Variants in TAFA4 observed in about 807,000 individuals in gnomAD.
TAFA4 encodes TAFA chemokine like family member 4, also known as chemokine-like protein TAFA-4.
In TAFA4, 20 loss-of-function variants were observed where a neutral mutation model predicts 21.1. The observed-to-expected ratio is 0.95, with a 90% CI of 0.67 to 1.38. TAFA4 has a LOEUF of 1.38. Ranked by LOEUF, TAFA4 falls within the 40% of genes most tolerant of loss-of-function variation. The pLI is 0.00. For missense variants in TAFA4, 211 were observed against 180.9 expected, an observed-to-expected ratio of 1.17 and a Z score of -0.95; for synonymous variants, 71 against 67.4, an observed-to-expected ratio of 1.05 and a Z score of -0.26.
chr3:68,844,589 T>C (rs1268280549), intron 3 of TAFA4, among the ~76,000 whole-genome samples: 2 of 152,206 alleles, frequency 1.3e-5, no homozygotes, highest in East Asian at 1.9e-4. Flanking sequence ...CTCGCTTCTC[T>C]AGTTCTTTTA....
In TAFA4 at chr3:68,843,672, T is replaced by C. The variant is rs556602467; in HGVS notation, c.130+37058A>G. Among the ~76,000 whole-genome samples, 6 of 152,384 alleles carry C rather than the reference T, an allele frequency of 3.9e-5. No homozygotes were observed. The South Asian group carries it at 6.2e-4, about 16-fold the overall frequency. On this transcript the variant is annotated intron_variant, in intron 3 of 5. Transcript: ENST00000295569. ...GTGGGTCTGTCATAAATAGCTCTTA[T>C]TATTTTGAGATACGGTCCACCAATA...
chr3:68,890,828 A>G (rs76699518), intron 1 of TAFA4, among the ~76,000 whole-genome samples: 202 of 152,346 alleles, frequency 1.3e-3, no homozygotes, highest in African/African-American at 4.4e-3. Flanking sequence ...GACATTAAAA[A>G]TTCTGTCTGT....
At chr3:68,761,217 T>G (rs1175991862) in intron 3 of TAFA4, among the ~76,000 whole-genome samples, 1 of 152,226 alleles carries the variant, frequency 6.6e-6, no homozygotes, top group African/African-American at 2.4e-5. Flanking sequence ...AGTGAACTAC[T>G]TGAAACACTG....
chr3:68,788,642 C>T (rs1318864796), intron 3 of TAFA4, among the ~76,000 whole-genome samples: 1 of 152,030 alleles, frequency 6.6e-6, no homozygotes, highest in Non-Finnish European at 1.5e-5. Context: ...GACAGGGTCT[C>T]ACTTCATCAC....
At chr3:68,833,936 T>G (rs1051292419) in intron 3 of TAFA4, among the ~76,000 whole-genome samples, 1 of 152,174 alleles carries the variant, frequency 6.6e-6, no homozygotes, top group Non-Finnish European at 1.5e-5. Flanking sequence ...AATGTGAAGA[T>G]TCAGTGAAAG....
chr3:68,843,745 A>G (rs1326634314), intron 3 of TAFA4, among the ~76,000 whole-genome samples: 5 of 152,250 alleles, frequency 3.3e-5, no homozygotes, highest in African/African-American at 4.8e-5. Flanking sequence ...GAATTTTATC[A>G]AAGGCCTTTT....
At position 68,739,133 on chromosome 3, in the gene TAFA4, A is replaced by C; in HGVS notation, c.353T>G (p.Val118Gly). The C allele has an allele frequency of 6.2e-7, 1 of 1,614,022 alleles. No homozygotes were observed. Residue 118 changes from valine (V) to glycine (G), a missense_variant, in exon 5 of 6, where the codon GTG becomes GGG. Physicochemically the swap from Val to Gly is moderately radical, Grantham distance 109. Coordinates refer to ENST00000295569, the MANE Select transcript of TAFA4 (RefSeq NM_182522.5). ...GGACCAACCTGAGTAATCTGGCAGCACTTTACAATCCTCTCCTTCCAAACA... is the reference window on the plus strand; with the variant it reads ...GGACCAACCTGAGTAATCTGGCAGCCCTTTACAATCCTCTCCTTCCAAACA... ...NPCLEGEDCKVLPDYSGWSCS... is the reference protein window; with the variant it reads ...NPCLEGEDCKGLPDYSGWSCS...
At chr3:68,905,155 T>C (rs1458049078) in intron 1 of TAFA4, among the ~76,000 whole-genome samples, 1 of 141,204 alleles carries the variant, frequency 7.1e-6, no homozygotes, top group Non-Finnish European at 1.5e-5. Context: ...TCTGCCTTTT[T>C]TTTTTTTTTT....
intron 4 of TAFA4, among the ~76,000 whole-genome samples, chr3:68,742,358 C>G (rs1288237801): frequency 3.2e-5 from 3 of 93,514 alleles, no homozygotes; most frequent in African/African-American, 1.1e-4. Flanking sequence ...GTTAAATTTT[C>G]TCTGCAGGCA....
intron 3 of TAFA4, among the ~76,000 whole-genome samples, chr3:68,833,284 G>A (rs1704444102): frequency 6.6e-6 from 1 of 152,170 alleles, no homozygotes; most frequent in Non-Finnish European, 1.5e-5. Flanking sequence ...AATCTCGCTG[G>A]AAGCTATAGA....
chr3:68,921,259 C>G (rs117497236), intron 1 of TAFA4, among the ~76,000 whole-genome samples: 1 of 152,042 alleles, frequency 6.6e-6, no homozygotes, highest in Admixed American at 6.6e-5. Context: ...CCAGTCCATC[C>G]GCTCTGCTTG....
At chr3:68,812,210 C>G (rs1032194132) in intron 3 of TAFA4, among the ~76,000 whole-genome samples, 1 of 152,204 alleles carries the variant, frequency 6.6e-6, no homozygotes. Flanking sequence ...GTACCAGCTA[C>G]TGCAAAAACA....
intron 4 of TAFA4, among the ~76,000 whole-genome samples, chr3:68,745,108 C>G (rs574972727): frequency 6.6e-6 from 1 of 152,112 alleles, no homozygotes; most frequent in Non-Finnish European, 1.5e-5. Context: ...TTGCAAATTC[C>G]GTTATGAGTT....
intron 3 of TAFA4, among the ~76,000 whole-genome samples, chr3:68,830,938 T>A (rs147000713): frequency 1.2e-3 from 190 of 152,366 alleles, no homozygotes; most frequent in Non-Finnish European, 1.8e-3. Flanking sequence ...TTTACCATCA[T>A]GTAATGGCCT....
rs148251698 is a variant in TAFA4 at position 68,753,137 on chromosome 3, T to C, written c.131-119A>G. The C allele has an allele frequency of 2.2e-3, 1,803 of 833,772 alleles. 4 individuals carry two copies. Among genetic ancestry groups the C allele is most frequent in the Non-Finnish European group, 2.9e-3 (1,556 of 544,578 alleles). 51.6% of individuals were successfully genotyped at this position (833,772 alleles called of 1,614,324 possible). A position where few individuals can be genotyped will look rare whatever the true frequency, so the allele number is the denominator to read the frequency against. Reference sequence around the variant, plus strand: ...CTTCCTGTGCTATGCTTATGAGTCTTTGTAACATTTTATTTTGATAACATA... The same window carrying C: ...CTTCCTGTGCTATGCTTATGAGTCTCTGTAACATTTTATTTTGATAACATA... On this transcript the variant is annotated intron_variant, in intron 3 of 5. Coordinates refer to ENST00000295569, the MANE Select transcript of TAFA4 (RefSeq NM_182522.5).
At chr3:68,790,414 A>G (rs1703340900) in intron 3 of TAFA4, among the ~76,000 whole-genome samples, 1 of 152,228 alleles carries the variant, frequency 6.6e-6, no homozygotes, top group African/African-American at 2.4e-5. Context: ...ATAAAATGGT[A>G]AACCTAAGTC....
chr3:68,733,020 A>T lies in TAFA4; in HGVS notation c.*122T>A. ...GAATGCCACCTCTCACAGCTCACAT[A>T]TACAAATATGAAGTTGCTGAAATCC... On this transcript the variant is annotated 3_prime_UTR_variant, in exon 6 of 6. Coordinates refer to ENST00000295569, the MANE Select transcript of TAFA4 (RefSeq NM_182522.5). 7.6e-7 allele frequency: 1 copy of T among 1,322,988 alleles called. No individual in the cohort carries two copies. The highest frequency in any genetic ancestry group is 1.1e-6 in the Non-Finnish European group (1 of 941,764). 82.0% of individuals were successfully genotyped at this position (1,322,988 alleles called of 1,614,324 possible).
intron 3 of TAFA4, among the ~76,000 whole-genome samples, chr3:68,814,996 C>A (rs1703934510): frequency 1.3e-5 from 2 of 152,044 alleles, no homozygotes; most frequent in South Asian, 4.2e-4. Context: ...ACCGAGGCCT[C>A]AAAAATAATG....
chr3:68,885,920 TTTCTAC>T (rs1459437355), intron 1 of TAFA4, among the ~76,000 whole-genome samples: 1 of 152,166 alleles, frequency 6.6e-6, no homozygotes, highest in Non-Finnish European at 1.5e-5. Flanking sequence ...TAAAAGGATT[TTTCTAC>T]TTAGTGAACA....
Sources: gnomAD v4.1 joint callset for allele counts (sites outside exome capture counted in the v4.1 genomes callset) on GRCh38, gnomAD v4.1.1 for gene constraint, MANE v1.5 for transcripts, NCBI Gene and HGNC (gene_info 2026-07-23, HGNC 2026-07-21) for gene names.